Variants in DERA observed in about 807,000 individuals in gnomAD.
DERA encodes deoxyribose-phosphate aldolase, also known as 2-deoxy-D-ribose 5-phosphate aldolase.
DERA carries 15 observed loss-of-function variants against 41.1 expected under a neutral mutation model. The ratio of observed to expected loss-of-function variants is 0.37; its 90% CI spans 0.24 to 0.56. The LOEUF (loss-of-function observed/expected upper bound fraction) is 0.56, where lower values mean the gene tolerates loss of function less well. Among genes scored for constraint, DERA ranks in the 20% least tolerant of loss-of-function variants. The probability of loss-of-function intolerance (pLI) is 0.81; values close to 1 mark genes in which losing one functional copy is unlikely to be tolerated. For synonymous variants in DERA, 139 were observed against 137.4 expected, an observed-to-expected ratio of 1.01 and a Z score of -0.08; for missense variants, 396 against 403.4, an observed-to-expected ratio of 0.98 and a Z score of 0.16.
chr12:15,958,194 T>C lies in DERA; in HGVS notation c.136T>C (p.Trp46Arg). ...TCACTTTTGTTTAAACCAGGCTGCTTGGCTCCTGAAAGCTGTTACCTTTAT... is the reference window on the plus strand; with the variant it reads ...TCACTTTTGTTTAAACCAGGCTGCTCGGCTCCTGAAAGCTGTTACCTTTAT... ...RTVKKEWQAA[W>R]LLKAVTFIDL... Residue 46 changes from tryptophan to arginine, a missense_variant, in exon 3 of 9, where the codon TGG (tryptophan) becomes CGG (arginine). Transcript: ENST00000428559. The C allele has an allele frequency of 1.3e-6, 2 of 1,557,554 alleles. No homozygotes were observed. Among genetic ancestry groups the C allele is most frequent in the South Asian group, 1.2e-5 (1 of 81,482 alleles).
chr12:16,029,422 G>A (rs928114767), intron 6 of DERA, among the ~76,000 whole-genome samples: 2 of 131,452 alleles, frequency 1.5e-5, no homozygotes, highest in Admixed American at 8.8e-5. Context: ...GCGAGACTCC[G>A]TCTCAAAATA....
rs186253941 is a variant in DERA, at chr12:15,946,191, C to T, written c.32-10745C>T. Among the ~76,000 whole-genome samples the T allele has an allele frequency of 6.3e-3, 959 of 152,110 alleles. 11 individuals carry two copies. The highest frequency in any genetic ancestry group is 0.022 in the African/African-American group (901 of 41,528). On this transcript the variant is annotated intron_variant, in intron 1 of 8. Coordinates refer to ENST00000428559, the MANE Select transcript of DERA (RefSeq NM_015954.4). Reference sequence around the variant, plus strand: ...CAGGGATATTGGTCTAAAATTCTCTCTTTTTGTTGTGTCTCTGCTAGGCTT... The same window carrying T: ...CAGGGATATTGGTCTAAAATTCTCTTTTTTTGTTGTGTCTCTGCTAGGCTT...
chr12:15,971,884 G>T, intron 5 of DERA: 1 of 317,776 alleles, frequency 3.1e-6, no homozygotes, highest in Non-Finnish European at 6.2e-6. Context: ...AGATTTTGGA[G>T]CACAGTCAAT....
At chr12:15,991,875 C>T (rs1427623520) in intron 6 of DERA, among the ~76,000 whole-genome samples, 1 of 152,056 alleles carries the variant, frequency 6.6e-6, no homozygotes, top group Non-Finnish European at 1.5e-5. Flanking sequence ...TTACCAGTTC[C>T]TCTCTCTGTT....
intron 6 of DERA, among the ~76,000 whole-genome samples, chr12:16,022,071 T>C (rs149341603): frequency 4.1e-4 from 63 of 152,346 alleles, no homozygotes; most frequent in African/African-American, 1.3e-3. Flanking sequence ...TTTGGATGTT[T>C]GTCCCCTCCC....
rs1205829164 is a variant in DERA at position 16,021,941 on chromosome 12, G to C, written c.638-10601G>C. 6.6e-6 allele frequency among the ~76,000 whole-genome samples: 1 copy of C among 152,168 alleles called. No individual in the cohort carries two copies. Among genetic ancestry groups the C allele is most frequent in the Non-Finnish European group, 1.5e-5 (1 of 68,034 alleles). ...ATAAGACTTTGGACTTTAGACTTTGGCATTTTTGAGCTAAGGCTGGAACAA... is the reference window on the plus strand; with the variant it reads ...ATAAGACTTTGGACTTTAGACTTTGCCATTTTTGAGCTAAGGCTGGAACAA... On this transcript the variant is annotated intron_variant, in intron 6 of 8. Transcript: ENST00000428559. The surrounding 1 kb of genome is among the most constrained non-coding windows in gnomAD (Gnocchi z 5.3).
At chr12:15,912,309 T>C (rs940226865) in intron 1 of DERA, among the ~76,000 whole-genome samples, 10 of 152,144 alleles carry the variant, frequency 6.6e-5, no homozygotes, top group Non-Finnish European at 1.0e-4. Flanking sequence ...ACACAGCACA[T>C]GTTTCAGAGA....
chr12:16,032,756 GAAT>G (rs781035568), intron 7 of DERA, 102 bp downstream of exon 7: 61 of 743,084 alleles, frequency 8.2e-5, no homozygotes, highest in Non-Finnish European at 1.1e-5. Flanking sequence ...AGTTGTGAAT[GAAT>G]TACCTTTATT....
In DERA at chr12:15,940,640, C is replaced by T. The variant is rs887390393; in HGVS notation, c.32-16296C>T. On this transcript the variant is annotated intron_variant, in intron 1 of 8. Coordinates refer to ENST00000428559, the MANE Select transcript of DERA (RefSeq NM_015954.4). This position sits in a 1 kb window ranked among gnomAD's most constrained non-coding sequence, Gnocchi z 5.1. ...TGCTGGGATTACAGGCGTGAGCCAC[C>T]GCATCCGGCCTGCTTTACTTCTTAC... Among the ~76,000 whole-genome samples the T allele has an allele frequency of 9.2e-5, 14 of 152,134 alleles. No homozygotes were observed. Among genetic ancestry groups the T allele is most frequent in the African/African-American group, 1.7e-4 (7 of 41,444 alleles).
At position 15,988,474 on chromosome 12, in the gene DERA, A is replaced by G. The variant is rs1337264645; in HGVS notation, c.637+6038A>G. On this transcript the variant is annotated intron_variant, in intron 6 of 8. Transcript: ENST00000428559. This position sits in a 1 kb window ranked among gnomAD's most constrained non-coding sequence, Gnocchi z 6.0. ...AGTAGAGAGGAGACCTGTAGTGGGT[A>G]GCTCCTTTTTGCAGGCAGGTCGTCC... Among the ~76,000 whole-genome samples, 1 of 152,172 alleles carries G rather than the reference A, an allele frequency of 6.6e-6. No individual in the cohort carries two copies. The highest frequency in any genetic ancestry group is 1.5e-5 in the Non-Finnish European group (1 of 68,024).
rs1452352135 is a variant in DERA at position 16,021,003 on chromosome 12, G to C, written c.638-11539G>C. 6.6e-6 allele frequency among the ~76,000 whole-genome samples: 1 copy of C among 152,230 alleles called. No individual in the cohort carries two copies. The highest frequency in any genetic ancestry group is 2.4e-5 in the African/African-American group (1 of 41,466). ...AACTTATATTTAAATGGGAAGCAGA[G>C]TATAAAAGTTGGGAAAATTTGCAGC... On this transcript the variant is annotated intron_variant, in intron 6 of 8. Transcript: ENST00000428559. The surrounding 1 kb of genome is among the most constrained non-coding windows in gnomAD (Gnocchi z 5.3).
intron 1 of DERA, among the ~76,000 whole-genome samples, chr12:15,934,898 C>A (rs1391523595): frequency 6.6e-6 from 1 of 152,108 alleles, no homozygotes; most frequent in Non-Finnish European, 1.5e-5. Context: ...AAGGAAAATG[C>A]TAGCAGAGTA....
At chr12:15,953,157 T>C (rs907184267) in intron 1 of DERA, among the ~76,000 whole-genome samples, 1 of 152,200 alleles carries the variant, frequency 6.6e-6, no homozygotes, top group African/African-American at 2.4e-5. Flanking sequence ...TCTCCACTTA[T>C]CCATTAGGGT....
chr12:15,926,477 C>G (rs918797417), intron 1 of DERA, among the ~76,000 whole-genome samples: 1 of 152,112 alleles, frequency 6.6e-6, no homozygotes, highest in African/African-American at 2.4e-5. Context: ...TGGCTCACGC[C>G]TGTAATCCCA....
chr12:15,957,012 A>T lies in DERA; in HGVS notation c.108A>T (p.Arg36Ser). 1.2e-6 allele frequency: 2 copies of T among 1,613,930 alleles called. No homozygotes were observed. The highest frequency in any genetic ancestry group is 8.5e-7 in the Non-Finnish European group (1 of 1,179,840). The stretch of plus-strand genomic sequence containing the variant: ...GTGCGGAACAAATCCAGGCTCGCAG[A>T]ACCGTGAAAAAGGAGTGGCAGGTAA... ...LRRAEQIQAR[R>S]TVKKEWQAAW... The change falls in exon 2 of 9, where the codon AGA becomes AGT. Residue 36 changes from arginine to serine, a missense_variant. By Grantham distance (110) the Arg-to-Ser change is moderately radical (BLOSUM62 -1). Coordinates refer to ENST00000428559, the MANE Select transcript of DERA (RefSeq NM_015954.4). The surrounding 1 kb of genome is among the most constrained non-coding windows in gnomAD (Gnocchi z 4.8).
chr12:15,931,863 G>A lies in DERA; in HGVS notation c.31+20449G>A, dbSNP rs1278878617. Among the ~76,000 whole-genome samples the A allele has an allele frequency of 6.6e-6, 1 of 152,110 alleles. No individual in the cohort carries two copies. The highest frequency in any genetic ancestry group is 6.6e-5 in the Admixed American group (1 of 15,266). The stretch of plus-strand genomic sequence containing the variant: ...ATCTGGCTTCCTTGTTTTTTCTTCT[G>A]TTGCTTCGTCTCTTGAGGAAGATCT... On this transcript the variant is annotated intron_variant, in intron 1 of 8. Coordinates refer to ENST00000428559, the MANE Select transcript of DERA (RefSeq NM_015954.4). The surrounding 1 kb of genome is among the most constrained non-coding windows in gnomAD (Gnocchi z 4.6).
chr12:16,016,973 TTCAA>T (rs1948987204), intron 6 of DERA, among the ~76,000 whole-genome samples: 1 of 152,126 alleles, frequency 6.6e-6, no homozygotes, highest in Admixed American at 6.5e-5. Context: ...GGACTTTTGT[TTCAA>T]TCAGGTGCTT....
In DERA at chr12:16,035,549, T is replaced by C. The variant is rs1949121467; in HGVS notation, c.751-683T>C. 6.6e-6 allele frequency among the ~76,000 whole-genome samples: 1 copy of C among 152,190 alleles called. No individual in the cohort carries two copies. The highest frequency in any genetic ancestry group is 1.5e-5 in the Non-Finnish European group (1 of 68,018). On this transcript the variant is annotated intron_variant, in intron 7 of 8. Transcript: ENST00000428559. This position sits in a 1 kb window ranked among gnomAD's most constrained non-coding sequence, Gnocchi z 4.1. The stretch of plus-strand genomic sequence containing the variant: ...TTACGAATATCAGATATTGGCTGAA[T>C]TCAGCTGTGTTATGATCAACCTTAA...
intron 1 of DERA, among the ~76,000 whole-genome samples, chr12:15,926,758 A>AC: frequency 6.6e-6 from 1 of 151,418 alleles, no homozygotes; most frequent in Non-Finnish European, 1.5e-5. Flanking sequence ...AAAAAAAAAA[A>AC]AAAGAAACAA....
Sources: gnomAD v4.1 joint callset for allele counts (sites outside exome capture counted in the v4.1 genomes callset) on GRCh38, gnomAD v4.1.1 for gene constraint, Gnocchi (gnomAD v3.1) non-coding constraint, MANE v1.5 for transcripts, NCBI Gene and HGNC (gene_info 2026-07-23, HGNC 2026-07-21) for gene names.